FABP12: variants seen among roughly 807,000 people sequenced by gnomAD.
FABP12 encodes the protein fatty acid binding protein 12.
In FABP12, 19 loss-of-function variants were observed where a neutral mutation model predicts 13.7. The ratio of observed to expected loss-of-function variants is 1.39; its 90% CI spans 0.97 to 2.04. FABP12 has a LOEUF of 2.04. Among genes scored for constraint, FABP12 ranks in the 30% most tolerant of loss-of-function variants. FABP12 has a pLI of 0.00. For missense variants in FABP12, 182 were observed against 164.2 expected (o/e 1.11, Z -0.59); for synonymous variants, 61 against 57.0 (o/e 1.07, Z -0.32).
At chr8:81,575,311 GAGA>G (rs1332249746) in intron 1 of FABP12, among the ~76,000 whole-genome samples, 2 of 152,172 alleles carry the variant, frequency 1.3e-5, no homozygotes, top group African/African-American at 4.8e-5. Flanking sequence ...ACTGTGGTCT[GAGA>G]GAGTGCTTGA....
At chr8:81,531,509 A>G (rs1809074898) in intron 1 of FABP12, 119 bp from the exon 2 acceptor site, 1 of 526,910 alleles carries the variant, frequency 1.9e-6, no homozygotes, top group African/African-American at 1.9e-5. Context: ...AGCTTTCTTA[A>G]ATTTAAATAC....
intron 2 of FABP12, 68 bp from the exon 3 acceptor site, chr8:81,529,678 CA>C: frequency 7.4e-7 from 1 of 1,352,558 alleles, no homozygotes; most frequent in Admixed American, 2.2e-5. Context: ...CATTACAATA[CA>C]ATACTTAAAT....
intron 1 of FABP12, among the ~76,000 whole-genome samples, chr8:81,542,561 C>CA (rs1386415407): frequency 6.6e-6 from 1 of 152,142 alleles, no homozygotes; most frequent in African/African-American, 2.4e-5. Flanking sequence ...CTCTCTGAGT[C>CA]ATAAATGAGC....
At chr8:81,538,827 T>A (rs2129980103), upstream of FABP12, among the ~76,000 whole-genome samples, 1 of 152,264 alleles carries the variant, frequency 6.6e-6, no homozygotes, top group Admixed American at 6.5e-5. Context: ...CTTTATGTTT[T>A]ATTTTAATTT....
At chr8:81,529,451 C>A in exon 3 of FABP12, 1 of 1,613,840 alleles carries the variant, frequency 6.2e-7, no homozygotes, top group Non-Finnish European at 8.5e-7. Flanking sequence ...TGTTTTGTGG[C>A]CACCTGGCGT....
chr8:81,542,409 G>A (rs948296685), intron 1 of FABP12, among the ~76,000 whole-genome samples: 1 of 152,096 alleles, frequency 6.6e-6, no homozygotes, highest in African/African-American at 2.4e-5. Context: ...GTCTGAATGG[G>A]ACCATGGCAC....
intron 1 of FABP12, among the ~76,000 whole-genome samples, chr8:81,546,748 G>A (rs567007077): frequency 5.3e-5 from 8 of 152,054 alleles, no homozygotes; most frequent in Admixed American, 4.6e-4. Context: ...TTCCTGTGTC[G>A]TTTTTTTCAT....
intron 1 of FABP12, among the ~76,000 whole-genome samples, chr8:81,582,950 A>G (rs1810188949): frequency 1.3e-5 from 2 of 152,246 alleles, no homozygotes; most frequent in Admixed American, 1.3e-4. Flanking sequence ...ACCACATGTT[A>G]GGACACAAAA....
At chr8:81,532,207 T>A (rs1809093157) in intron 1 of FABP12, among the ~76,000 whole-genome samples, 1 of 152,180 alleles carries the variant, frequency 6.6e-6, no homozygotes, top group African/African-American at 2.4e-5. Flanking sequence ...AAATGCTAAG[T>A]AAAGGACAAA....
upstream of FABP12, among the ~76,000 whole-genome samples, chr8:81,537,614 T>G (rs1809253874): frequency 1.3e-5 from 2 of 152,204 alleles, no homozygotes; most frequent in Admixed American, 1.3e-4. Context: ...CATGAGTCTC[T>G]TCTTATATTG....
intron 1 of FABP12, among the ~76,000 whole-genome samples, chr8:81,557,649 G>A (rs891678283): frequency 1.3e-5 from 2 of 152,124 alleles, no homozygotes; most frequent in Non-Finnish European, 1.5e-5. Flanking sequence ...ATCTTTAAGT[G>A]TTTTCTGAAA....
chr8:81,548,410 G>A (rs866852918), intron 1 of FABP12, among the ~76,000 whole-genome samples: 13 of 152,152 alleles, frequency 8.5e-5, no homozygotes, highest in Admixed American at 2.6e-4. Flanking sequence ...ATTTGAAATC[G>A]TGTGAGATGT....
At chr8:81,546,263 A>G (rs1034238549) in intron 1 of FABP12, among the ~76,000 whole-genome samples, 1 of 152,224 alleles carries the variant, frequency 6.6e-6, no homozygotes, top group African/African-American at 2.4e-5. Flanking sequence ...GTTTATGACA[A>G]GTGATTTTTA....
chr8:81,586,096 T>A (rs1255107638), intron 1 of FABP12, among the ~76,000 whole-genome samples: 2 of 152,200 alleles, frequency 1.3e-5, no homozygotes, highest in Non-Finnish European at 2.9e-5. Flanking sequence ...CATGCAACAT[T>A]TGGTTTTCTA....
chr8:81,526,557 G>T (rs1249785321), intron 4 of FABP12: 1 of 152,432 alleles, frequency 6.6e-6, no homozygotes, highest in African/African-American at 2.4e-5. Flanking sequence ...ATTAATATAT[G>T]AAAACATAGG....
chr8:81,563,504 A>AG (rs1809762166), intron 1 of FABP12, among the ~76,000 whole-genome samples: 2 of 152,200 alleles, frequency 1.3e-5, no homozygotes, highest in Admixed American at 1.3e-4. Context: ...ATAGGTAATA[A>AG]GTAATTTTGA....
chr8:81,530,616 G>C (rs1262801796), intron 2 of FABP12, among the ~76,000 whole-genome samples: 2 of 152,170 alleles, frequency 1.3e-5, no homozygotes, highest in African/African-American at 4.8e-5. Flanking sequence ...ATTGGATAAT[G>C]GTTCCTAAAG....
intron 1 of FABP12, among the ~76,000 whole-genome samples, chr8:81,582,712 T>C (rs1810185048): frequency 6.6e-6 from 1 of 152,044 alleles, no homozygotes; most frequent in South Asian, 2.1e-4. Context: ...ATATAACAAA[T>C]ATTACTAGAT....
intron 1 of FABP12, among the ~76,000 whole-genome samples, chr8:81,571,203 G>A (rs982309084): frequency 1.3e-5 from 2 of 152,238 alleles, no homozygotes; most frequent in African/African-American, 4.8e-5. Context: ...GCTGGTGCTG[G>A]GAGCAGGAGA....
Sources: gnomAD v4.1 joint callset for allele counts (sites outside exome capture counted in the v4.1 genomes callset) on GRCh38, gnomAD v4.1.1 for gene constraint, MANE v1.5 for transcripts, NCBI Gene and HGNC (gene_info 2026-07-23, HGNC 2026-07-21) for gene names.